COL8A1: variants seen among roughly 807,000 people sequenced by gnomAD.
COL8A1 encodes the protein collagen alpha-1(VIII) chain.
A neutral mutation model predicts 42.7 loss-of-function variants in COL8A1; 21 were observed. The ratio of observed to expected loss-of-function variants is 0.49; its 90% CI spans 0.35 to 0.71. The LOEUF (loss-of-function observed/expected upper bound fraction) is 0.71. Ranked by LOEUF, COL8A1 falls within the 30% of genes least tolerant of loss-of-function variation. The pLI, the probability that COL8A1 is intolerant of heterozygous loss-of-function variation, is 0.01. For synonymous variants in COL8A1, 367 were observed against 369.1 expected (o/e 0.99, Z 0.06); for missense variants, 788 against 962.4 (o/e 0.82, Z 2.40).
chr3:99,646,666 G>A (rs930146516), intron 1 of COL8A1, among the ~76,000 whole-genome samples: 26 of 152,098 alleles, frequency 1.7e-4, no homozygotes, highest in Admixed American at 1.7e-3. Context: ...ATGTCAAGTA[G>A]CCACATAACC....
At chr3:99,697,663 C>T (rs938907537) in intron 1 of COL8A1, among the ~76,000 whole-genome samples, 1 of 152,110 alleles carries the variant, frequency 6.6e-6, no homozygotes, top group African/African-American at 2.4e-5. Context: ...TTCTCACTGA[C>T]CAAAGATAGT....
chr3:99,721,436 G>A (rs67754408), intron 1 of COL8A1, among the ~76,000 whole-genome samples: 7 of 28,702 alleles, frequency 2.4e-4, no homozygotes, highest in East Asian at 2.3e-3. Context: ...AGGGAAAGGG[G>A]AAGGGGAAGG....
At chr3:99,678,922 A>C (rs553605087) in intron 1 of COL8A1, 1 of 152,290 alleles carries the variant, frequency 6.6e-6, no homozygotes, top group East Asian at 1.9e-4. Flanking sequence ...TCTTTCTTGC[A>C]CTAGAAATTA....
intron 3 of COL8A1, among the ~76,000 whole-genome samples, chr3:99,791,680 G>A (rs1942003789): frequency 6.6e-6 from 1 of 152,158 alleles, no homozygotes; most frequent in African/African-American, 2.4e-5. Context: ...TTTGTCTGGA[G>A]TTCTCAGAAA....
chr3:99,659,391 G>A (rs1462247782), intron 1 of COL8A1, among the ~76,000 whole-genome samples: 1 of 152,070 alleles, frequency 6.6e-6, no homozygotes, highest in East Asian at 1.9e-4. Context: ...CATTCTCTCT[G>A]GGCAGATGAA....
chr3:99,746,670 GT>G (rs1180965302), intron 2 of COL8A1, among the ~76,000 whole-genome samples: 4 of 152,168 alleles, frequency 2.6e-5, no homozygotes, highest in African/African-American at 9.7e-5. Context: ...TAAGCTCTTT[GT>G]TTTTAAACTA....
Position 99,797,207 on chromosome 3 carries a change from T to C in COL8A1, c.*1071T>C, listed in dbSNP as rs1185259255. 2 of 152,206 alleles carry C rather than the reference T, an allele frequency of 1.3e-5. No individual in the cohort carries two copies. The highest frequency in any genetic ancestry group is 4.8e-5 in the African/African-American group (2 of 41,454). 9.4% of individuals were successfully genotyped at this position (152,206 alleles called of 1,614,324 possible). The stretch of plus-strand genomic sequence containing the variant: ...ATATCAGTAATTTTTAGTAACTGAA[T>C]TTTGAGGACATTTCTCTGTTTAGCA... On this transcript the variant is annotated 3_prime_UTR_variant, in exon 4 of 4. Transcript: ENST00000652472.
chr3:99,770,180 G>A (rs2107437045), intron 2 of COL8A1, among the ~76,000 whole-genome samples: 1 of 152,248 alleles, frequency 6.6e-6, no homozygotes, highest in Admixed American at 6.5e-5. Context: ...GATTCTTCGT[G>A]GCCCCTGGGT....
intron 2 of COL8A1, among the ~76,000 whole-genome samples, chr3:99,748,800 G>A (rs1228032171): frequency 3.3e-5 from 5 of 152,130 alleles, no homozygotes; most frequent in African/African-American, 4.8e-5. Context: ...AAAAAATCTG[G>A]CTTCATTAGT....
At chr3:99,744,510 T>A (rs1403511456) in intron 1 of COL8A1, among the ~76,000 whole-genome samples, 1 of 152,222 alleles carries the variant, frequency 6.6e-6, no homozygotes, top group Non-Finnish European at 1.5e-5. Flanking sequence ...CTGCTATATG[T>A]AAATTGACAG....
intron 1 of COL8A1, among the ~76,000 whole-genome samples, chr3:99,708,964 T>C (rs1939758267): frequency 6.6e-6 from 1 of 151,988 alleles, no homozygotes; most frequent in Non-Finnish European, 1.5e-5. Context: ...TTACCTTCCT[T>C]AGACTAACCC....
At chr3:99,679,235 T>C (rs1938792949) in intron 1 of COL8A1, 1 of 152,180 alleles carries the variant, frequency 6.6e-6, no homozygotes, top group Admixed American at 6.6e-5. Flanking sequence ...TTTAAGAATA[T>C]GAAATAATAT....
chr3:99,672,766 T>C (rs1398895604), intron 1 of COL8A1, among the ~76,000 whole-genome samples: 2 of 152,092 alleles, frequency 1.3e-5, no homozygotes, highest in African/African-American at 4.8e-5. Flanking sequence ...TTTTGGTCTA[T>C]GAGCTCATCT....
At chr3:99,676,759 G>GA (rs1168834356) in intron 1 of COL8A1, among the ~76,000 whole-genome samples, 1 of 151,900 alleles carries the variant, frequency 6.6e-6, no homozygotes, top group African/African-American at 2.4e-5. Context: ...AATTGGAAAG[G>GA]AAAAATATAA....
chr3:99,782,929 T>A (rs1184420941), intron 2 of COL8A1, among the ~76,000 whole-genome samples: 1 of 79,988 alleles, frequency 1.3e-5, no homozygotes, highest in Non-Finnish European at 2.4e-5. Context: ...TATTCTACTT[T>A]AGAATTTCTT....
chr3:99,726,255 T>C (rs1284478257), intron 1 of COL8A1, among the ~76,000 whole-genome samples: 2 of 152,162 alleles, frequency 1.3e-5, no homozygotes, highest in Non-Finnish European at 2.9e-5. Flanking sequence ...CACTTTTTGA[T>C]GGGGTTGTTC....
Position 99,795,042 on chromosome 3 carries a change from G to A in COL8A1, c.1141G>A (p.Gly381Ser). 1 of 1,609,112 alleles carries A rather than the reference G, an allele frequency of 6.2e-7. No homozygotes were observed. The highest frequency in any genetic ancestry group is 8.5e-7 in the Non-Finnish European group (1 of 1,177,764). ...LGPRGEKGPI[G>S]APGIGGPPGE... is the part of the protein sequence containing the mutation. ...ACCAAGAGGGGAGAAAGGACCAATA[G>A]GTGCCCCAGGAATAGGGGGTCCTCC... is the stretch of plus-strand genomic sequence containing the variant. Residue 381 changes from glycine (G) to serine (S), a missense_variant, in exon 4 of 4, where the codon GGT becomes AGT. Transcript: ENST00000652472.
chr3:99,732,320 T>C (rs1441844399), intron 1 of COL8A1, among the ~76,000 whole-genome samples: 1 of 152,262 alleles, frequency 6.6e-6, no homozygotes, highest in South Asian at 2.1e-4. Context: ...ATGCTGCTAA[T>C]AAAGACATAC....
intron 1 of COL8A1, among the ~76,000 whole-genome samples, chr3:99,702,024 C>T (rs1377476345): frequency 1.3e-5 from 2 of 152,148 alleles, no homozygotes; most frequent in Non-Finnish European, 2.9e-5. Flanking sequence ...TATGCATGAA[C>T]CTAAGAAGTT....
Sources: allele counts gnomAD v4.1 joint callset (sites outside exome capture counted in the v4.1 genomes callset), GRCh38; gene constraint gnomAD v4.1.1; transcripts MANE v1.5; gene names NCBI Gene and HGNC (gene_info 2026-07-23, HGNC 2026-07-21).